MFHAS1: variants seen among roughly 807,000 people sequenced by gnomAD.
MFHAS1 encodes multifunctional ROCO family signaling regulator 1.
Under a neutral mutation model 70.4 loss-of-function variants are expected in MFHAS1, and 50 were observed. That is an observed-to-expected ratio of 0.71 (90% CI 0.57 to 0.90). MFHAS1 has a LOEUF of 0.90. MFHAS1 is among the 40% of genes least tolerant of loss of function. MFHAS1 has a pLI of 0.00. For synonymous variants in MFHAS1, 952 were observed against 620.0 expected (o/e 1.54, Z -7.96); for missense variants, 1,795 against 1,347.6 (o/e 1.33, Z -5.20).
Position 8,785,354 on chromosome 8 carries a change from G to A in MFHAS1, c.*668C>T, listed in dbSNP as rs1247171516. The A allele has an allele frequency of 6.6e-6, 1 of 150,908 alleles. No homozygotes were observed. The highest frequency in any genetic ancestry group is 1.5e-5 in the Non-Finnish European group (1 of 67,838). 9.3% of individuals were successfully genotyped at this position (150,908 alleles called of 1,614,324 possible). ...CTTTCTGATTATTGGCAATCTCTAT[G>A]AACCAACACTTAATCCATGGGCTAA... On this transcript the variant is annotated 3_prime_UTR_variant, in exon 3 of 3. Transcript: ENST00000276282.
At chr8:8,795,310 T>C (rs1585018643) in intron 2 of MFHAS1, among the ~76,000 whole-genome samples, 2 of 152,124 alleles carry the variant, frequency 1.3e-5, no homozygotes, top group Admixed American at 1.3e-4. Context: ...TTCAAAGAAA[T>C]TAAAAGAGAA....
intron 2 of MFHAS1, among the ~76,000 whole-genome samples, chr8:8,787,218 C>A (rs370006480): frequency 6.6e-6 from 1 of 152,088 alleles, no homozygotes; most frequent in African/African-American, 2.4e-5. Flanking sequence ...GTAGCTAGGA[C>A]TACATGTGCC....
Position 8,784,676 on chromosome 8 carries a change from T to G in MFHAS1, c.*1346A>C, listed in dbSNP as rs956356101. On this transcript the variant is annotated 3_prime_UTR_variant, in exon 3 of 3. Transcript: ENST00000276282. ...AGTAGCGAGTACCAGCAACTCACTCTTCTTGTCTGAGGCTGGCGAGAAGCA... is the reference window on the plus strand; with the variant it reads ...AGTAGCGAGTACCAGCAACTCACTCGTCTTGTCTGAGGCTGGCGAGAAGCA... The G allele has an allele frequency of 6.6e-6, 1 of 152,208 alleles. No individual in the cohort carries two copies. Among genetic ancestry groups the G allele is most frequent in the African/African-American group, 2.4e-5 (1 of 41,460 alleles). 9.4% of individuals were successfully genotyped at this position (152,208 alleles called of 1,614,324 possible).
At chr8:8,797,326 G>A (rs1264502474) in intron 2 of MFHAS1, 39 bp downstream of exon 2, 9 of 1,609,384 alleles carry the variant, frequency 5.6e-6, no homozygotes, top group Admixed American at 1.7e-5. Flanking sequence ...CTGGGATCAG[G>A]AGCCAGGTCC....
intron 1 of MFHAS1, among the ~76,000 whole-genome samples, chr8:8,883,602 G>A (rs940393098): frequency 1.3e-5 from 2 of 151,150 alleles, no homozygotes; most frequent in Non-Finnish European, 2.9e-5. Context: ...CAGCTACTCG[G>A]GAGGCTGAGG....
rs535472935 is a variant in MFHAS1 at position 8,862,808 on chromosome 8, G to A, written c.2998+27253C>T. Among the ~76,000 whole-genome samples the A allele has an allele frequency of 2.0e-5, 3 of 152,314 alleles. No individual in the cohort carries two copies. In the South Asian group the frequency reaches 6.2e-4, roughly 32 times the overall value. On this transcript the variant is annotated intron_variant, in intron 1 of 2. Transcript: ENST00000276282. ...GGGGATGCTACTAATGGAGGAGGCTGCGCATGTGTGGGGACAGGGAACAGA... is the reference window on the plus strand; with the variant it reads ...GGGGATGCTACTAATGGAGGAGGCTACGCATGTGTGGGGACAGGGAACAGA...
chr8:8,884,591 T>C (rs1361742429), intron 1 of MFHAS1, among the ~76,000 whole-genome samples: 1 of 150,998 alleles, frequency 6.6e-6, no homozygotes, highest in African/African-American at 2.4e-5. Flanking sequence ...GGGGAGGGAG[T>C]TGGGAAGCTA....
chr8:8,838,572 G>GGAGGCA (rs1202059381), intron 1 of MFHAS1, among the ~76,000 whole-genome samples: 1 of 152,126 alleles, frequency 6.6e-6, no homozygotes, highest in African/African-American at 2.4e-5. Flanking sequence ...CAGCACTTTG[G>GGAGGCA]GAGGCAGAGG....
chr8:8,832,685 G>C (rs977657555), intron 1 of MFHAS1, among the ~76,000 whole-genome samples: 1 of 137,160 alleles, frequency 7.3e-6, no homozygotes, highest in African/African-American at 2.7e-5. Flanking sequence ...CTGGAGTGTG[G>C]TGGCTCAATC....
chr8:8,832,075 C>CACAA (rs2117325791), intron 1 of MFHAS1, among the ~76,000 whole-genome samples: 1 of 151,764 alleles, frequency 6.6e-6, no homozygotes, highest in African/African-American at 2.4e-5. Flanking sequence ...CACACACACA[C>CACAA]ACACACACAC....
At chr8:8,826,429 A>T (rs1046776241) in intron 1 of MFHAS1, among the ~76,000 whole-genome samples, 2 of 152,200 alleles carry the variant, frequency 1.3e-5, no homozygotes, top group African/African-American at 4.8e-5. Context: ...AGTTCTAGCC[A>T]ATGAAATGTA....
chr8:8,818,015 T>C (rs886762020), intron 1 of MFHAS1, among the ~76,000 whole-genome samples: 5 of 152,192 alleles, frequency 3.3e-5, no homozygotes, highest in Non-Finnish European at 7.3e-5. Flanking sequence ...CCCGTATCTA[T>C]ACATACATTC....
At chr8:8,878,727 G>A (rs1809393609) in intron 1 of MFHAS1, among the ~76,000 whole-genome samples, 2 of 151,826 alleles carry the variant, frequency 1.3e-5, no homozygotes, top group South Asian at 4.1e-4. Flanking sequence ...GGAAGGGAGG[G>A]AGGCTTGTTC....
At chr8:8,843,854 G>A (rs1807932413) in intron 1 of MFHAS1, among the ~76,000 whole-genome samples, 1 of 152,188 alleles carries the variant, frequency 6.6e-6, no homozygotes. Flanking sequence ...TGGAAAGGTA[G>A]AAATTGAAGA....
chr8:8,892,225 G>C lies in MFHAS1; in HGVS notation c.834C>G (p.Leu278=), dbSNP rs112513223. 2.4e-5 allele frequency: 38 copies of C among 1,611,014 alleles called. No homozygotes were observed. The highest frequency in any genetic ancestry group is 3.3e-4 in the Middle Eastern group (2 of 6,062). The change falls in exon 1 of 3, where the codon CTC becomes CTG. Residue 278 remains leucine (L), a synonymous_variant. Coordinates refer to ENST00000276282, the MANE Select transcript of MFHAS1 (RefSeq NM_004225.3). This position sits in a 1 kb window ranked among gnomAD's most constrained non-coding sequence, Gnocchi z 4.7. Reference sequence around the variant, plus strand: ...CCTCGAAGAGGTTGGAGGAGAGGTTGAGCATTTTGAGCCGCTGCAGGCAGC... The same window carrying C: ...CCTCGAAGAGGTTGGAGGAGAGGTTCAGCATTTTGAGCCGCTGCAGGCAGC... ...QFSCLQRLKM[L]NLSSNLFEEF...
chr8:8,874,454 G>A (rs1010583528), intron 1 of MFHAS1, among the ~76,000 whole-genome samples: 18 of 152,036 alleles, frequency 1.2e-4, no homozygotes, highest in African/African-American at 4.4e-4. Flanking sequence ...CAAATGCGAG[G>A]TGCAGAACAA....
rs1805451464 is a variant in MFHAS1 at position 8,784,105 on chromosome 8, A to C, written c.*1917T>G. 1 of 152,198 alleles carries C rather than the reference A, an allele frequency of 6.6e-6. No homozygotes were observed. The highest frequency in any genetic ancestry group is 1.5e-5 in the Non-Finnish European group (1 of 68,032). 9.4% of individuals were successfully genotyped at this position (152,198 alleles called of 1,614,324 possible). A position where few individuals can be genotyped will look rare whatever the true frequency, so the allele number is the denominator to read the frequency against. On this transcript the variant is annotated 3_prime_UTR_variant, in exon 3 of 3. Coordinates refer to ENST00000276282, the MANE Select transcript of MFHAS1 (RefSeq NM_004225.3). ...ACCCAAAGGAGCATTTTTGTCATTT[A>C]ATATGGTCCCCGGGGAGTTAGCCCA...
chr8:8,827,252 C>G (rs1351348890), intron 1 of MFHAS1, among the ~76,000 whole-genome samples: 1 of 152,184 alleles, frequency 6.6e-6, no homozygotes, highest in East Asian at 1.9e-4. Flanking sequence ...TTACAAATAT[C>G]TGCGTAGTTA....
chr8:8,819,372 G>A lies in MFHAS1; in HGVS notation c.2999-21881C>T, dbSNP rs927025553. Among the ~76,000 whole-genome samples the A allele has an allele frequency of 7.2e-5, 11 of 152,176 alleles. No homozygotes were observed. In the South Asian group the frequency reaches 1.0e-3, roughly 14 times the overall value. ...TGTAATCCCAGCACTTTGGGAGGCC[G>A]AGGTGGGCGGATCACGAGGTCAGGA... On this transcript the variant is annotated intron_variant, in intron 1 of 2. Transcript: ENST00000276282.
Sources: gnomAD v4.1 joint callset for allele counts (sites outside exome capture counted in the v4.1 genomes callset) on GRCh38, gnomAD v4.1.1 for gene constraint, Gnocchi (gnomAD v3.1) non-coding constraint, MANE v1.5 for transcripts, NCBI Gene and HGNC (gene_info 2026-07-23, HGNC 2026-07-21) for gene names.